BUB1B: variants seen among roughly 807,000 people sequenced by gnomAD.
BUB1B encodes the protein mitotic checkpoint serine/threonine-protein kinase BUB1 beta.
A neutral mutation model predicts 137.7 loss-of-function variants in BUB1B; 86 were observed. The ratio of observed to expected loss-of-function variants is 0.62; its 90% CI spans 0.52 to 0.75. BUB1B has a LOEUF of 0.75. BUB1B is among the 30% of genes least tolerant of loss of function. The pLI is 0.00. For synonymous variants in BUB1B, 420 were observed against 417.9 expected (o/e 1.00, Z -0.06); for missense variants, 1,130 against 1,236.9 (o/e 0.91, Z 1.30).
Position 40,183,797 on chromosome 15 carries a change from C to G in BUB1B, c.665C>G (p.Pro222Arg). ...EEEEVFESSV[P>R]QRSTLAELKS... ...GAGGAAGTTTTTGAGTCTTCTGTAC[C>G]ACAACGAAGCACACTAGCTGAACTA... The change falls in exon 6 of 23, where the codon CCA becomes CGA. Residue 222 changes from proline to arginine, a missense_variant. Physicochemically the swap from Pro to Arg is moderately radical, Grantham distance 103 (BLOSUM62 -2). Coordinates refer to ENST00000287598, the MANE Select transcript of BUB1B (RefSeq NM_001211.6). 1 of 1,614,028 alleles carries G rather than the reference C, an allele frequency of 6.2e-7. No individual in the cohort carries two copies. The highest frequency in any genetic ancestry group is 2.2e-5 in the East Asian group (1 of 44,868).
chr15:40,211,634 A>G (rs995689351), intron 18 of BUB1B, among the ~76,000 whole-genome samples: 2 of 152,082 alleles, frequency 1.3e-5, no homozygotes, highest in African/African-American at 4.8e-5. Flanking sequence ...TCTGATATAT[A>G]TACTTTTTCC....
chr15:40,187,484 G>T (rs575998890), intron 8 of BUB1B, among the ~76,000 whole-genome samples: 1 of 151,722 alleles, frequency 6.6e-6, no homozygotes, highest in African/African-American at 2.4e-5. Context: ...CTAACTACTC[G>T]AGTGGCTGAA....
At chr15:40,189,895 C>A (rs1349279805) in intron 8 of BUB1B, among the ~76,000 whole-genome samples, 1 of 152,170 alleles carries the variant, frequency 6.6e-6, no homozygotes, top group Non-Finnish European at 1.5e-5. Context: ...TGGTTATTGT[C>A]ATTCTAACAG....
chr15:40,217,437 C>CT, intron 20 of BUB1B, 59 bp from the exon 21 acceptor site: 1 of 1,551,622 alleles, frequency 6.4e-7, no homozygotes, highest in Non-Finnish European at 8.9e-7. Context: ...TAAAGACCAG[C>CT]TATGCAGCTT....
chr15:40,214,979 G>A (rs992428841), intron 20 of BUB1B, among the ~76,000 whole-genome samples: 1 of 152,108 alleles, frequency 6.6e-6, no homozygotes, highest in Admixed American at 6.6e-5. Context: ...AATTCCCAGG[G>A]CTATGGAAAT....
chr15:40,161,821 A>G (rs2037046013), intron 1 of BUB1B, among the ~76,000 whole-genome samples: 1 of 152,136 alleles, frequency 6.6e-6, no homozygotes, highest in African/African-American at 2.4e-5. Flanking sequence ...ACTATATTGC[A>G]GTTCTAGGTT....
intron 8 of BUB1B, among the ~76,000 whole-genome samples, chr15:40,194,106 T>C (rs1423109910): frequency 1.1e-4 from 16 of 150,276 alleles, no homozygotes; most frequent in Non-Finnish European, 1.5e-4. Context: ...AGAATTGTTT[T>C]CTTAATTTCA....
intron 6 of BUB1B, 152 bp from the exon 7 acceptor site, chr15:40,185,013 A>AGGG (rs1038438882): frequency 3.2e-5 from 21 of 659,962 alleles, no homozygotes; most frequent in Non-Finnish European, 4.9e-5. Context: ...TGATTTATTA[A>AGGG]TTTTTTTAAA....
intron 17 of BUB1B, 61 bp from the exon 18 acceptor site, chr15:40,210,049 A>G: frequency 7.3e-7 from 1 of 1,371,878 alleles, no homozygotes; most frequent in Admixed American, 1.7e-5. Context: ...CCAGGAGGTA[A>G]AAGCTACAGG....
chr15:40,178,258 A>G (rs542425118), intron 5 of BUB1B, among the ~76,000 whole-genome samples: 82 of 152,024 alleles, frequency 5.4e-4, no homozygotes, highest in African/African-American at 1.9e-3. Context: ...GTTGTGATAT[A>G]CTGTATTTTC....
intron 22 of BUB1B, among the ~76,000 whole-genome samples, chr15:40,218,806 A>G (rs115446571): frequency 2.1e-3 from 325 of 152,388 alleles, no homozygotes; most frequent in African/African-American, 7.6e-3. Flanking sequence ...TGTATCTTCC[A>G]GACTACAGCT....
chr15:40,209,242 A>C (rs1218486655), intron 16 of BUB1B, among the ~76,000 whole-genome samples: 1 of 151,966 alleles, frequency 6.6e-6, no homozygotes, highest in Non-Finnish European at 1.5e-5. Flanking sequence ...AACATGGGGA[A>C]ACCCCAACTC....
intron 8 of BUB1B, among the ~76,000 whole-genome samples, chr15:40,186,497 T>G (rs2037363770): frequency 7.6e-6 from 1 of 131,154 alleles, no homozygotes; most frequent in South Asian, 2.4e-4. Context: ...GAGTGTGGAG[T>G]GCAGTGGTGC....
chr15:40,214,837 C>A (rs1005846391), intron 20 of BUB1B, among the ~76,000 whole-genome samples: 1 of 137,228 alleles, frequency 7.3e-6, no homozygotes, highest in Non-Finnish European at 1.6e-5. Flanking sequence ...TCCTATTCCC[C>A]CCCACCCACC....
At chr15:40,166,112 CAA>C (rs1566814814) in intron 2 of BUB1B, among the ~76,000 whole-genome samples, 1 of 152,244 alleles carries the variant, frequency 6.6e-6, no homozygotes, top group Non-Finnish European at 1.5e-5. Context: ...CTTGGCATCC[CAA>C]AGTGCTGGGA....
intron 1 of BUB1B, among the ~76,000 whole-genome samples, chr15:40,163,920 A>G (rs564412218): frequency 2.0e-5 from 3 of 152,234 alleles, no homozygotes; most frequent in Non-Finnish European, 4.4e-5. Flanking sequence ...TATAACTTTC[A>G]CTCTATTTCA....
Position 40,165,129 on chromosome 15 carries a change from A to G in BUB1B, c.112A>G (p.Met38Val). The G allele has an allele frequency of 1.9e-6, 3 of 1,614,214 alleles. No homozygotes were observed. Among genetic ancestry groups the G allele is most frequent in the Non-Finnish European group, 2.5e-6 (3 of 1,180,034 alleles). Residue 38 changes from methionine (M) to valine (V), a missense_variant, in exon 2 of 23, where the codon ATG becomes GTG. Coordinates refer to ENST00000287598, the MANE Select transcript of BUB1B (RefSeq NM_001211.6). ...NVQPLRQGRI[M>V]STLQGALAQE... The stretch of plus-strand genomic sequence containing the variant: ...ACAACCTTTAAGGCAAGGGCGGATC[A>G]TGTCCACGCTTCAGGGAGCACTGGC...
intron 22 of BUB1B, 130 bp from the exon 23 acceptor site, chr15:40,220,434 T>C: frequency 2.2e-6 from 2 of 912,126 alleles, no homozygotes; most frequent in African/African-American, 1.7e-5. Context: ...ATTTGAATGA[T>C]CTCTAACCCT....
intron 2 of BUB1B, among the ~76,000 whole-genome samples, chr15:40,169,811 C>T (rs188606028): frequency 1.3e-5 from 2 of 152,080 alleles, no homozygotes; most frequent in East Asian, 3.9e-4. Context: ...TGAGGTTTCA[C>T]CATGTTGCCC....
Sources: gnomAD v4.1 joint callset for allele counts (sites outside exome capture counted in the v4.1 genomes callset) on GRCh38, gnomAD v4.1.1 for gene constraint, MANE v1.5 for transcripts, NCBI Gene and HGNC (gene_info 2026-07-23, HGNC 2026-07-21) for gene names.